CFAP70: variants seen among roughly 807,000 people sequenced by gnomAD.
The protein encoded by CFAP70 is cilia- and flagella-associated protein 70.
A neutral mutation model predicts 137.6 loss-of-function variants in CFAP70; 81 were observed. The observed-to-expected ratio is 0.59, with a 90% CI of 0.49 to 0.71. CFAP70 has a LOEUF of 0.71. Among genes scored for constraint, CFAP70 ranks in the 30% least tolerant of loss-of-function variants. The probability of loss-of-function intolerance (pLI) is 0.00; values close to 1 mark genes in which losing one functional copy is unlikely to be tolerated. For missense variants in CFAP70, 976 were observed against 1,226.7 expected, an observed-to-expected ratio of 0.80 and a Z score of 3.05; for synonymous variants, 382 against 423.6, an observed-to-expected ratio of 0.90 and a Z score of 1.20.
intron 3 of CFAP70, among the ~76,000 whole-genome samples, chr10:73,350,669 C>A (rs906505193): frequency 3.3e-5 from 5 of 151,830 alleles, no homozygotes; most frequent in Non-Finnish European, 5.9e-5. Context: ...TAAAGGCTTC[C>A]TCTCTCTGAT....
intron 9 of CFAP70, among the ~76,000 whole-genome samples, chr10:73,318,926 C>T (rs78423199): frequency 0.042 from 6,326 of 152,234 alleles, 399 homozygotes; most frequent in African/African-American, 0.14. Context: ...TTACCAATTA[C>T]GCTTCTACGA....
intron 7 of CFAP70, among the ~76,000 whole-genome samples, chr10:73,332,143 A>T (rs1157942942): frequency 6.6e-6 from 1 of 152,214 alleles, no homozygotes; most frequent in Non-Finnish European, 1.5e-5. Flanking sequence ...AGCAGAAGTC[A>T]ATGGTGCCAG....
At chr10:73,353,858 A>G in intron 2 of CFAP70, 116 bp from the exon 3 acceptor site, 1 of 858,378 alleles carries the variant, frequency 1.2e-6, no homozygotes, top group Non-Finnish European at 1.8e-6. Flanking sequence ...CCTAACGAGC[A>G]ACATCACAAA....
intron 12 of CFAP70, among the ~76,000 whole-genome samples, chr10:73,303,722 G>T (rs1174240257): frequency 6.6e-6 from 1 of 152,104 alleles, no homozygotes; most frequent in African/African-American, 2.4e-5. Flanking sequence ...AAAGTTTCAA[G>T]ATATAAAAGT....
chr10:73,338,027 T>C (rs1053568917), intron 6 of CFAP70, among the ~76,000 whole-genome samples: 3 of 152,182 alleles, frequency 2.0e-5, no homozygotes, highest in African/African-American at 4.8e-5. Context: ...TTTGCCATCA[T>C]GAATAGACTA....
intron 7 of CFAP70, among the ~76,000 whole-genome samples, chr10:73,332,205 A>T (rs1288896670): frequency 2.6e-5 from 4 of 152,178 alleles, no homozygotes; most frequent in Non-Finnish European, 5.9e-5. Context: ...TGGAGGCTAA[A>T]TGTGGACTAG....
At chr10:73,294,143 T>C (rs1012202440) in intron 15 of CFAP70, 2 of 152,198 alleles carry the variant, frequency 1.3e-5, no homozygotes, top group African/African-American at 4.8e-5. Flanking sequence ...TTAATACTTT[T>C]GTCCTGTTCT....
intron 8 of CFAP70, among the ~76,000 whole-genome samples, chr10:73,324,318 C>T (rs1004398820): frequency 6.6e-5 from 10 of 152,168 alleles, no homozygotes; most frequent in African/African-American, 2.4e-4. Context: ...AGGACATCCA[C>T]ACCAGAAACC....
In CFAP70 at chr10:73,286,730, T is replaced by C. The variant is rs117952944; in HGVS notation, c.2239+4496A>G. Reference sequence around the variant, plus strand: ...GAAATATAGAGTGTGGAGTGGAAAATTGGGGCTGACAGCCTTCAGAGCTGA... The same window carrying C: ...GAAATATAGAGTGTGGAGTGGAAAACTGGGGCTGACAGCCTTCAGAGCTGA... On this transcript the variant is annotated intron_variant, in intron 19 of 26. Transcript: ENST00000310715. Among the ~76,000 whole-genome samples the C allele has an allele frequency of 4.9e-4, 74 of 152,144 alleles. No homozygotes were observed. In the East Asian group the frequency reaches 0.011, roughly 23 times the overall value.
upstream of CFAP70, among the ~76,000 whole-genome samples, chr10:73,359,872 G>A (rs1456149247): frequency 6.6e-6 from 1 of 151,934 alleles, no homozygotes; most frequent in Non-Finnish European, 1.5e-5. Context: ...AGTCTACATT[G>A]TGAGCCTCCT....
At chr10:73,350,569 T>C (rs1464237150) in intron 3 of CFAP70, among the ~76,000 whole-genome samples, 2 of 152,170 alleles carry the variant, frequency 1.3e-5, no homozygotes, top group East Asian at 3.8e-4. Context: ...GAATTGCAAA[T>C]TGTATTCCAG....
chr10:73,288,399 CA>C (rs1363099974), intron 19 of CFAP70, among the ~76,000 whole-genome samples: 1 of 152,002 alleles, frequency 6.6e-6, no homozygotes, highest in Admixed American at 6.6e-5. Flanking sequence ...ATAATATAAA[CA>C]TTGATATTGA....
intron 12 of CFAP70, among the ~76,000 whole-genome samples, chr10:73,301,134 C>A (rs1235067481): frequency 2.0e-5 from 3 of 152,144 alleles, no homozygotes; most frequent in Admixed American, 1.3e-4. Context: ...ACCAGGAAGG[C>A]CTCGCTGAGA....
At position 73,286,171 on chromosome 10, in the gene CFAP70, G is replaced by A. The variant is rs564850086; in HGVS notation, c.2239+5055C>T. Among the ~76,000 whole-genome samples, 11 of 152,204 alleles carry A rather than the reference G, an allele frequency of 7.2e-5. No homozygotes were observed. The South Asian group carries it at 1.5e-3, about 20-fold the overall frequency. On this transcript the variant is annotated intron_variant, in intron 19 of 26. Transcript: ENST00000310715. ...GTCATCTTCAAATCCTTGGCCTGGC[G>A]CGGTGGCTCACGCCTGTAATCCCAG... is the stretch of plus-strand genomic sequence containing the variant.
intron 24 of CFAP70, among the ~76,000 whole-genome samples, chr10:73,272,483 G>A (rs2046391130): frequency 6.6e-6 from 1 of 152,158 alleles, no homozygotes; most frequent in South Asian, 2.1e-4. Flanking sequence ...ATGAGGGAAG[G>A]TTAAGTAAAG....
At chr10:73,262,108 A>G (rs1270120559) in intron 25 of CFAP70, among the ~76,000 whole-genome samples, 3 of 149,066 alleles carry the variant, frequency 2.0e-5, no homozygotes, top group African/African-American at 7.4e-5. Flanking sequence ...CATATACAGT[A>G]GTCTCCCTTA....
chr10:73,309,809 G>A (rs756140721), intron 12 of CFAP70, among the ~76,000 whole-genome samples: 4 of 151,610 alleles, frequency 2.6e-5, no homozygotes, highest in African/African-American at 7.3e-5. Flanking sequence ...GGTGCATGCC[G>A]CCATGCCCGG....
chr10:73,353,394 C>T (rs189105976), intron 3 of CFAP70, among the ~76,000 whole-genome samples, 162 bp downstream of exon 3: 1 of 152,204 alleles, frequency 6.6e-6, no homozygotes, highest in African/African-American at 2.4e-5. Flanking sequence ...AAGATTTTCA[C>T]GTTTCAGTTC....
chr10:73,345,401 G>A (rs1488890716), intron 4 of CFAP70, among the ~76,000 whole-genome samples, 157 bp from the exon 6 acceptor site: 1 of 152,050 alleles, frequency 6.6e-6, no homozygotes, highest in Non-Finnish European at 1.5e-5. Context: ...CCCATGAGTT[G>A]GAGATAGAGC....
Sources: allele counts gnomAD v4.1 joint callset (sites outside exome capture counted in the v4.1 genomes callset), GRCh38; gene constraint gnomAD v4.1.1; transcripts MANE v1.5; gene names NCBI Gene and HGNC (gene_info 2026-07-23, HGNC 2026-07-21).